Variants in LRIG1 observed in about 807,000 individuals in gnomAD.
LRIG1 encodes the protein leucine rich repeats and immunoglobulin like domains 1, also known as leucine-rich repeats and immunoglobulin-like domains protein 1.
LRIG1 carries 48 observed loss-of-function variants against 99.2 expected under a neutral mutation model. That is an observed-to-expected ratio of 0.48 (90% confidence interval 0.38 to 0.62). The LOEUF (loss-of-function observed/expected upper bound fraction) is 0.62. Among genes scored for constraint, LRIG1 ranks in the 20% least tolerant of loss-of-function variants. The pLI, the probability that LRIG1 is intolerant of heterozygous loss-of-function variation, is 0.00. For synonymous variants in LRIG1, 772 were observed against 596.1 expected (o/e 1.29, Z -4.30); for missense variants, 1,646 against 1,434.4 (o/e 1.15, Z -2.38).
At chr3:66,489,877 G>C (rs774717623) in intron 1 of LRIG1, among the ~76,000 whole-genome samples, 18 of 152,106 alleles carry the variant, frequency 1.2e-4, no homozygotes, top group South Asian at 4.1e-4. Flanking sequence ...CCTCTCAGGT[G>C]AATCATTTTT....
intron 12 of LRIG1, chr3:66,386,510 C>G: frequency 1.8e-6 from 1 of 566,794 alleles, no homozygotes; most frequent in Admixed American, 3.1e-5. Context: ...GAGTACTGAT[C>G]ACCTTTATGA....
At chr3:66,437,971 G>C (rs955509904) in intron 3 of LRIG1, among the ~76,000 whole-genome samples, 1 of 152,234 alleles carries the variant, frequency 6.6e-6, no homozygotes, top group African/African-American at 2.4e-5. Flanking sequence ...AACTCTGAAA[G>C]AGCTGGGACT....
At chr3:66,391,104 CCAT>C (rs1278477240) in intron 12 of LRIG1, among the ~76,000 whole-genome samples, 2 of 152,116 alleles carry the variant, frequency 1.3e-5, no homozygotes, top group Non-Finnish European at 1.5e-5. Flanking sequence ...ATCAAAACCA[CCAT>C]GAGACTCTAT....
At chr3:66,417,020 T>C in intron 4 of LRIG1, 109 bp downstream of exon 4, 1 of 1,441,036 alleles carries the variant, frequency 6.9e-7, no homozygotes, top group Non-Finnish European at 9.6e-7. Flanking sequence ...CAGCCGTGGT[T>C]GAGAAGGGAA....
At chr3:66,457,757 G>C (rs1169019331) in intron 2 of LRIG1, among the ~76,000 whole-genome samples, 3 of 152,218 alleles carry the variant, frequency 2.0e-5, no homozygotes, top group Admixed American at 1.3e-4. Context: ...CTACCAAAAT[G>C]AGAGTTTTTC....
At chr3:66,480,879 G>A (rs564230178) in intron 1 of LRIG1, among the ~76,000 whole-genome samples, 2 of 152,318 alleles carry the variant, frequency 1.3e-5, no homozygotes, top group Admixed American at 6.5e-5. Flanking sequence ...CCACAATGGG[G>A]AGAAAATAAA....
At chr3:66,387,362 T>G (rs534903899) in intron 12 of LRIG1, 44 of 152,094 alleles carry the variant, frequency 2.9e-4, no homozygotes, top group African/African-American at 1.1e-3. Flanking sequence ...TGAGCATGAC[T>G]GTCTACACAA....
At chr3:66,451,746 C>A in intron 2 of LRIG1, 113 bp from the exon 3 acceptor site, 1 of 733,910 alleles carries the variant, frequency 1.4e-6, no homozygotes. Flanking sequence ...AACCTATATT[C>A]TAATGTTGGA....
rs182549770 is a variant in LRIG1 at position 66,499,041 on chromosome 3, T to C, written c.218+1149A>G. 3.4e-3 allele frequency among the ~76,000 whole-genome samples: 518 copies of C among 152,306 alleles called. 5 individuals carry two copies. The highest frequency in any genetic ancestry group is 0.012 in the African/African-American group (498 of 41,558). Reference sequence around the variant, plus strand: ...TGCCTTTCCTATGTTCTAGGAAAAATGTCCAATTATTCAACCGAAATGCGG... The same window carrying C: ...TGCCTTTCCTATGTTCTAGGAAAAACGTCCAATTATTCAACCGAAATGCGG... On this transcript the variant is annotated intron_variant, in intron 1 of 18. Transcript: ENST00000273261.
rs368223659 is a variant in LRIG1, at chr3:66,384,231, G to A, written c.1831C>T (p.Arg611Trp). ...TCGAGGCGGGCCATGGTGGTGGTCCGGATGGTTATGTCGTGGGGCGTTTTG... is the reference window on the plus strand; with the variant it reads ...TCGAGGCGGGCCATGGTGGTGGTCCAGATGGTTATGTCGTGGGGCGTTTTG... ...FTKTPHDITI[R>W]TTTMARLECA... Residue 611 changes from arginine (R) to tryptophan (W), a missense_variant, in exon 14 of 19, where the codon CGG becomes TGG. By Grantham distance (101) the Arg-to-Trp change is moderately radical. Transcript: ENST00000273261. 47 of 1,613,800 alleles carry A rather than the reference G, an allele frequency of 2.9e-5. No individual in the cohort carries two copies. The highest frequency in any genetic ancestry group is 3.8e-5 in the Non-Finnish European group (45 of 1,179,850).
intron 12 of LRIG1, chr3:66,387,048 C>G (rs1318445395): frequency 6.7e-6 from 1 of 148,698 alleles, no homozygotes; most frequent in African/African-American, 2.5e-5. Context: ...GCCCCATTCA[C>G]AGGATTTGCA....
chr3:66,452,965 CAATT>C (rs540052466), intron 2 of LRIG1, among the ~76,000 whole-genome samples: 161 of 152,288 alleles, frequency 1.1e-3, no homozygotes, highest in African/African-American at 3.7e-3. Context: ...TTGAAATAGA[CAATT>C]AATTACTTTA....
At chr3:66,396,664 C>T (rs1210489494) in intron 11 of LRIG1, among the ~76,000 whole-genome samples, 1 of 152,234 alleles carries the variant, frequency 6.6e-6, no homozygotes, top group Non-Finnish European at 1.5e-5. Flanking sequence ...GGGTCCAGTT[C>T]CTCCCAACTT....
At chr3:66,397,977 A>C in intron 11 of LRIG1, 135 bp downstream of exon 11, 1 of 678,516 alleles carries the variant, frequency 1.5e-6, no homozygotes, top group Non-Finnish European at 2.6e-6. Flanking sequence ...GTCATGACAG[A>C]GACTCTGTGG....
intron 3 of LRIG1, among the ~76,000 whole-genome samples, chr3:66,424,960 G>A (rs755193109): frequency 1.3e-5 from 2 of 152,242 alleles, no homozygotes; most frequent in Admixed American, 6.5e-5. Context: ...AGGCTAGGTT[G>A]TGGTATTCAG....
intron 3 of LRIG1, among the ~76,000 whole-genome samples, chr3:66,438,568 G>C (rs1034723049): frequency 4.4e-4 from 67 of 152,126 alleles, no homozygotes; most frequent in African/African-American, 1.6e-3. Flanking sequence ...CCTGACACTC[G>C]TTCCTCTGAA....
In LRIG1 at chr3:66,405,205, T is replaced by C. The variant is rs1042136739; in HGVS notation, c.1153A>G (p.Ser385Gly). 6.2e-7 allele frequency: 1 copy of C among 1,613,984 alleles called. No individual in the cohort carries two copies. Among genetic ancestry groups the C allele is most frequent in the African/African-American group, 1.3e-5 (1 of 74,952 alleles). The stretch of plus-strand genomic sequence containing the variant: ...CGTGCGGCGGATACTCACAGCTTGC[T>C]GAGGCTGTCGAGCCCTGAGAAGGCG... Reference protein sequence around the residue: ...SGAFSGLDSLSKLTLFGNKIK... With the variant: ...SGAFSGLDSLGKLTLFGNKIK... The change falls in exon 9 of 19, where the codon AGC (serine) becomes GGC (glycine). Residue 385 changes from serine to glycine, a missense_variant. Physicochemically the swap from Ser to Gly is moderately conservative, Grantham distance 56. Coordinates refer to ENST00000273261, the MANE Select transcript of LRIG1 (RefSeq NM_015541.3).
chr3:66,424,513 T>C (rs1370077135), intron 3 of LRIG1, among the ~76,000 whole-genome samples: 2 of 152,212 alleles, frequency 1.3e-5, no homozygotes, highest in Non-Finnish European at 1.5e-5. Flanking sequence ...CAATTCCACA[T>C]GCAAACCCAA....
At chr3:66,442,809 CAA>C (rs898253642) in intron 3 of LRIG1, among the ~76,000 whole-genome samples, 1 of 152,120 alleles carries the variant, frequency 6.6e-6, no homozygotes, top group Non-Finnish European at 1.5e-5. Flanking sequence ...ACCGAGTTTC[CAA>C]AAGAGGCAGT....
Sources: gnomAD v4.1 joint callset for allele counts (sites outside exome capture counted in the v4.1 genomes callset) on GRCh38, gnomAD v4.1.1 for gene constraint, MANE v1.5 for transcripts, NCBI Gene and HGNC (gene_info 2026-07-23, HGNC 2026-07-21) for gene names.